Variants in DRD3 observed in about 807,000 individuals in gnomAD.
DRD3 encodes dopamine receptor D3.
A neutral mutation model predicts 36.3 loss-of-function variants in DRD3; 19 were observed. The ratio of observed to expected loss-of-function variants is 0.52; its 90% CI spans 0.36 to 0.77. The LOEUF is 0.77. DRD3 is among the 30% of genes least tolerant of loss of function. DRD3 has a pLI of 0.00. For synonymous variants in DRD3, 195 were observed against 203.7 expected (o/e 0.96, Z 0.36); for missense variants, 465 against 505.3 (o/e 0.92, Z 0.77).
chr3:114,138,830 G>T (rs1219832429), intron 5 of DRD3, among the ~76,000 whole-genome samples: 1 of 152,144 alleles, frequency 6.6e-6, no homozygotes, highest in Non-Finnish European at 1.5e-5. Flanking sequence ...GCTGTTTAAT[G>T]TTACCACTGT....
At chr3:114,151,701 G>A (rs1291996315) in intron 3 of DRD3, among the ~76,000 whole-genome samples, 1 of 152,174 alleles carries the variant, frequency 6.6e-6, no homozygotes, top group Non-Finnish European at 1.5e-5. Context: ...ATCCCATAAA[G>A]GAGGAAGCAG....
chr3:114,156,983 T>C (rs889621603), intron 3 of DRD3, among the ~76,000 whole-genome samples: 64 of 149,348 alleles, frequency 4.3e-4, no homozygotes, highest in African/African-American at 1.5e-3. Flanking sequence ...CTTCTTTCTT[T>C]CTTCCTTTCT....
At chr3:114,179,318 A>G (rs983557487), upstream of DRD3, among the ~76,000 whole-genome samples, 3 of 152,172 alleles carry the variant, frequency 2.0e-5, no homozygotes, top group Admixed American at 2.0e-4. Flanking sequence ...TTGGAGGTGT[A>G]AGCCTGTCTG....
At chr3:114,180,625 G>C (rs2077941912), upstream of DRD3, among the ~76,000 whole-genome samples, 1 of 152,116 alleles carries the variant, frequency 6.6e-6, no homozygotes, top group Non-Finnish European at 1.5e-5. Context: ...AATTCACCTA[G>C]CCTGTGGAAT....
At chr3:114,136,587 C>T (rs563875294) in intron 5 of DRD3, among the ~76,000 whole-genome samples, 2 of 152,310 alleles carry the variant, frequency 1.3e-5, no homozygotes, top group East Asian at 1.9e-4. Context: ...CCATAGGCAA[C>T]TTTGAGCTGC....
chr3:114,193,082 A>G (rs189809316), intron 1 of DRD3, among the ~76,000 whole-genome samples: 1,747 of 152,092 alleles, frequency 0.011, 20 homozygotes, highest in South Asian at 0.027. Context: ...GATCGAGACC[A>G]TCCTGGCTAA....
chr3:114,159,772 A>G lies in DRD3; in HGVS notation c.366T>C (p.Cys122=), dbSNP rs202055756. 28 of 1,614,042 alleles carry G rather than the reference A, an allele frequency of 1.7e-5. No homozygotes were observed. Among genetic ancestry groups the G allele is most frequent in the Non-Finnish European group, 2.4e-5 (28 of 1,179,946 alleles). Residue 122 remains cysteine, a synonymous_variant, in exon 3 of 7, where the codon TGT becomes TGC. Coordinates refer to ENST00000383673, the MANE Select transcript of DRD3 (RefSeq NM_000796.6). ...MMCTASILNL[C]AISIDRYTAV... ...AGCCCTACCTGTCTATGCTGATGGC[A>G]CAGAGATTAAGGATGCTGGCTGTAC... is the stretch of plus-strand genomic sequence containing the variant.
chr3:114,163,617 C>T (rs2077753851), intron 2 of DRD3, among the ~76,000 whole-genome samples: 1 of 152,176 alleles, frequency 6.6e-6, no homozygotes, highest in Admixed American at 6.5e-5. Flanking sequence ...ATTCTAATAT[C>T]ATAGGAGGTA....
At chr3:114,139,472 T>TCGGTGG in intron 5 of DRD3, 28 bp downstream of exon 5, 1 of 1,597,276 alleles carries the variant, frequency 6.3e-7, no homozygotes, top group Non-Finnish European at 8.5e-7. Flanking sequence ...GGGTGTTGTC[T>TCGGTGG]TCCCTCTACC....
At chr3:114,129,203 C>T (rs965069454) in intron 6 of DRD3, among the ~76,000 whole-genome samples, 10 of 151,954 alleles carry the variant, frequency 6.6e-5, no homozygotes, top group South Asian at 4.2e-4. Context: ...ATTAGCTGGG[C>T]GTGGTGGTGC....
At chr3:114,182,666 C>T (rs1035004349), upstream of DRD3, among the ~76,000 whole-genome samples, 1 of 151,950 alleles carries the variant, frequency 6.6e-6, no homozygotes, top group Non-Finnish European at 1.5e-5. Flanking sequence ...GGCTGCAGTG[C>T]AGTGGTGCAA....
At chr3:114,146,001 A>G (rs2077566730) in intron 4 of DRD3, among the ~76,000 whole-genome samples, 1 of 152,232 alleles carries the variant, frequency 6.6e-6, no homozygotes, top group African/African-American at 2.4e-5. Context: ...CAGAGAAGTT[A>G]AGTAACTTGT....
chr3:114,179,774 A>G (rs2077935863), upstream of DRD3, among the ~76,000 whole-genome samples: 1 of 152,106 alleles, frequency 6.6e-6, no homozygotes, highest in African/African-American at 2.4e-5. Context: ...GTGCAGTTAT[A>G]GGGAAGCTAG....
At chr3:114,164,076 C>G (rs1052026370) in intron 2 of DRD3, among the ~76,000 whole-genome samples, 1 of 139,706 alleles carries the variant, frequency 7.2e-6, no homozygotes, top group Non-Finnish European at 1.6e-5. Flanking sequence ...CAAAAATTAG[C>G]TGGGTGTGGT....
intron 1 of DRD3, among the ~76,000 whole-genome samples, chr3:114,195,868 A>T (rs969530408): frequency 2.0e-5 from 3 of 152,232 alleles, no homozygotes; most frequent in Non-Finnish European, 4.4e-5. Context: ...AGACTTGGGC[A>T]GAGAATGGTT....
chr3:114,137,543 AG>A (rs1311016913), intron 5 of DRD3, among the ~76,000 whole-genome samples: 2 of 152,298 alleles, frequency 1.3e-5, no homozygotes, highest in African/African-American at 4.8e-5. Context: ...AGACCTTAAC[AG>A]GTCATCAGAG....
At chr3:114,170,670 G>A (rs911238651) in intron 2 of DRD3, among the ~76,000 whole-genome samples, 1 of 152,000 alleles carries the variant, frequency 6.6e-6, no homozygotes, top group Non-Finnish European at 1.5e-5. Context: ...TTTAACAAAG[G>A]TATTAGCACA....
intron 3 of DRD3, among the ~76,000 whole-genome samples, chr3:114,156,797 T>C (rs927477397): frequency 7.3e-6 from 1 of 136,256 alleles, no homozygotes; most frequent in Non-Finnish European, 1.6e-5. Flanking sequence ...CTTTCTTTCT[T>C]TCTCTTTTCT....
At chr3:114,192,400 A>G (rs1306764124) in intron 1 of DRD3, among the ~76,000 whole-genome samples, 1 of 152,134 alleles carries the variant, frequency 6.6e-6, no homozygotes, top group Non-Finnish European at 1.5e-5. Context: ...TTGTGGGCCA[A>G]AGTTCTGTAT....
Sources: gnomAD v4.1 joint callset for allele counts (sites outside exome capture counted in the v4.1 genomes callset) on GRCh38, gnomAD v4.1.1 for gene constraint, MANE v1.5 for transcripts, NCBI Gene and HGNC (gene_info 2026-07-23, HGNC 2026-07-21) for gene names.